Variants in NCKAP1 observed in about 807,000 individuals in gnomAD.
NCKAP1 encodes the protein NCK associated protein 1, also known as nck-associated protein 1.
In NCKAP1, 21 loss-of-function variants were observed where a neutral mutation model predicts 151.2. The observed-to-expected ratio is 0.14, with a 90% CI of 0.10 to 0.20. The LOEUF (loss-of-function observed/expected upper bound fraction) is 0.20, where lower values mean the gene tolerates loss of function less well. Among genes scored for constraint, NCKAP1 ranks in the 10% least tolerant of loss-of-function variants. The probability of loss-of-function intolerance (pLI) is 1.00; values close to 1 mark genes in which losing one functional copy is unlikely to be tolerated. For missense variants in NCKAP1, 933 were observed against 1,352.1 expected (o/e 0.69, Z 4.86); for synonymous variants, 484 against 451.8 (o/e 1.07, Z -0.90).
At position 182,909,126 on chromosome 2, in the gene NCKAP1, A is replaced by T. The variant is rs1415070717; in HGVS notation, c.*16576T>A. ...CATAACACATTTAGGCTATTTCAAG[A>T]TAATGGTTTATTTTGACACCACCAA... On this transcript the variant is annotated 3_prime_UTR_variant, in exon 31 of 31. Transcript: ENST00000361354. 6.6e-6 allele frequency: 1 copy of T among 152,240 alleles called. No homozygotes were observed. Among genetic ancestry groups the T allele is most frequent in the Non-Finnish European group, 1.5e-5 (1 of 68,040 alleles). 9.4% of individuals were successfully genotyped at this position (152,240 alleles called of 1,614,324 possible). A position where few individuals can be genotyped will look rare whatever the true frequency, so the allele number is the denominator to read the frequency against.
At chr2:182,999,226 A>G (rs1698332115) in intron 6 of NCKAP1, among the ~76,000 whole-genome samples, 1 of 152,188 alleles carries the variant, frequency 6.6e-6, no homozygotes, top group Admixed American at 6.5e-5. Context: ...AGAATGGGAG[A>G]AAATAATTGC....
rs979824642 is a variant in NCKAP1 at position 182,928,963 on chromosome 2, TCTAAA to T, written c.2954-69_2954-65del. On this transcript the variant is annotated intron_variant, in intron 27 of 30. Transcript: ENST00000361354. ...TTCAAGATTAGTTAAGATTTGATAATCTAAACTAAACAGATTTTTATTTTAAAAAT... is the reference window on the plus strand; with the variant it reads ...TTCAAGATTAGTTAAGATTTGATAATCTAAACAGATTTTTATTTTAAAAAT... 10 of 1,062,426 alleles carry T rather than the reference TCTAAA, an allele frequency of 9.4e-6. No homozygotes were observed. The African/African-American group carries it at 9.8e-5, about 10-fold the overall frequency. The allele number at this position is 1,062,426 out of a possible 1,614,324, so 65.8% of individuals were successfully genotyped here. A position where few individuals can be genotyped will look rare whatever the true frequency, so the allele number is the denominator to read the frequency against.
chr2:182,929,533 T>C (rs1424694596), intron 27 of NCKAP1, among the ~76,000 whole-genome samples: 1 of 151,942 alleles, frequency 6.6e-6, no homozygotes, highest in African/African-American at 2.4e-5. Context: ...GACATAACCC[T>C]TTCTAAAACA....
At chr2:183,020,507 C>A (rs1296435269) in intron 2 of NCKAP1, among the ~76,000 whole-genome samples, 1 of 149,504 alleles carries the variant, frequency 6.7e-6, no homozygotes, top group African/African-American at 2.5e-5. Flanking sequence ...AAATTTATTG[C>A]ATTTTCACCA....
Position 182,911,362 on chromosome 2 carries a change from A to G in NCKAP1, c.*14340T>C, listed in dbSNP as rs914553617. ...ATGCTAACACCACTAAGCCTTACAT[A>G]GTGGGGAATTCAAACACATGGGAAG... On this transcript the variant is annotated 3_prime_UTR_variant, in exon 31 of 31. Coordinates refer to ENST00000361354, the MANE Select transcript of NCKAP1 (RefSeq NM_013436.5). 6.6e-6 allele frequency: 1 copy of G among 152,166 alleles called. No homozygotes were observed. The highest frequency in any genetic ancestry group is 1.9e-4 in the East Asian group (1 of 5,182). The allele number at this position is 152,166 out of a possible 1,614,324, so 9.4% of individuals were successfully genotyped here.
intron 15 of NCKAP1, among the ~76,000 whole-genome samples, chr2:182,969,926 A>T (rs1697651948): frequency 6.6e-6 from 1 of 152,002 alleles, no homozygotes; most frequent in African/African-American, 2.4e-5. Flanking sequence ...CCCCAAAAAA[A>T]TCAGAAATAG....
At chr2:183,018,959 T>A (rs72888467) in intron 2 of NCKAP1, among the ~76,000 whole-genome samples, 13,513 of 152,268 alleles carry the variant, frequency 0.089, 731 homozygotes, top group Non-Finnish European at 0.12. Context: ...CAATAAAAAA[T>A]TATGTTTTAC....
Position 182,994,907 on chromosome 2 carries a change from C to T in NCKAP1, c.742-20G>A, listed in dbSNP as rs759581618. ...AGGCATCTTAAAAAGAGAATATATA[C>T]ATTTGCAGTTAAAAGAAATTCTAAA... is the stretch of plus-strand genomic sequence containing the variant. On this transcript the variant is annotated intron_variant, in intron 7 of 30. Coordinates refer to ENST00000361354, the MANE Select transcript of NCKAP1 (RefSeq NM_013436.5). 1 of 1,575,832 alleles carries T rather than the reference C, an allele frequency of 6.3e-7. No homozygotes were observed. Among genetic ancestry groups the T allele is most frequent in the Non-Finnish European group, 8.7e-7 (1 of 1,148,534 alleles).
chr2:182,927,445 G>C (rs1272578983), intron 29 of NCKAP1, among the ~76,000 whole-genome samples: 1 of 151,992 alleles, frequency 6.6e-6, no homozygotes, highest in Non-Finnish European at 1.5e-5. Flanking sequence ...TTTTAAAAAA[G>C]CTGACAGGAT....
chr2:183,037,392 C>T (rs1699123636), intron 1 of NCKAP1, among the ~76,000 whole-genome samples: 1 of 152,180 alleles, frequency 6.6e-6, no homozygotes, highest in African/African-American at 2.4e-5. Flanking sequence ...CTCACTTCCC[C>T]CTCCTCTCCA....
At position 182,994,856 on chromosome 2, in the gene NCKAP1, A is replaced by G; in HGVS notation, c.773T>C (p.Met258Thr). 1 of 1,606,618 alleles carries G rather than the reference A, an allele frequency of 6.2e-7. No individual in the cohort carries two copies. Among genetic ancestry groups the G allele is most frequent in the Non-Finnish European group, 8.5e-7 (1 of 1,173,294 alleles). The change falls in exon 8 of 31, where the codon ATG becomes ACG. Residue 258 changes from methionine to threonine, a missense_variant. This residue lies in a region of NCKAP1 where 607 missense variants were observed against 795.0 expected (regional missense o/e 0.76). Transcript: ENST00000361354. ...TTACTTACAGATAATCCACTTTTCC[A>G]TTGCATCCAAAGAGAGGTATTCACA... ...MPCEYLSLDA[M>T]EKWIIFGFIL...
At chr2:182,982,948 G>T in intron 11 of NCKAP1, 21 bp from the exon 12 acceptor site, 1 of 1,530,422 alleles carries the variant, frequency 6.5e-7, no homozygotes, top group Non-Finnish European at 8.9e-7. Flanking sequence ...AAAAGTAAGT[G>T]TTTATTCTTA....
chr2:183,001,609 A>G (rs1258685142), intron 6 of NCKAP1, among the ~76,000 whole-genome samples: 5 of 152,194 alleles, frequency 3.3e-5, no homozygotes, highest in Non-Finnish European at 5.9e-5. Flanking sequence ...AGGTTAGTTA[A>G]GTAACTCGAC....
chr2:182,975,191 T>C lies in NCKAP1; in HGVS notation c.1482+1702A>G, dbSNP rs139109768. ...CAAGTTCTACTTTTGTATTGTTTCATTGCCTTTTTAAAAACAAAGAGGTGT... is the reference window on the plus strand; with the variant it reads ...CAAGTTCTACTTTTGTATTGTTTCACTGCCTTTTTAAAAACAAAGAGGTGT... On this transcript the variant is annotated intron_variant, in intron 15 of 30. Transcript: ENST00000361354. Among the ~76,000 whole-genome samples, 9 of 152,334 alleles carry C rather than the reference T, an allele frequency of 5.9e-5. No individual in the cohort carries two copies. The East Asian group carries it at 9.6e-4, about 16-fold the overall frequency.
At chr2:182,959,203 C>T (rs1445400323) in intron 18 of NCKAP1, among the ~76,000 whole-genome samples, 1 of 152,130 alleles carries the variant, frequency 6.6e-6, no homozygotes, top group East Asian at 1.9e-4. Flanking sequence ...CATTGCATTT[C>T]TATTGTGACA....
chr2:183,026,793 T>C (rs772374308), intron 1 of NCKAP1, among the ~76,000 whole-genome samples: 1 of 152,088 alleles, frequency 6.6e-6, no homozygotes, highest in Non-Finnish European at 1.5e-5. Context: ...AGAAGAGAGA[T>C]AAAGAAACCA....
chr2:182,982,806 A>G lies in NCKAP1; in HGVS notation c.1208+15T>C, dbSNP rs1697967192. On this transcript the variant is annotated intron_variant, in intron 12 of 30. Transcript: ENST00000361354. The stretch of plus-strand genomic sequence containing the variant: ...CTATATACAGAAAATATTTTTTTAA[A>G]TGTTGCTAACTTACTTATCTATAAA... 6.5e-7 allele frequency: 1 copy of G among 1,528,736 alleles called. No individual in the cohort carries two copies. The highest frequency in any genetic ancestry group is 1.4e-5 in the African/African-American group (1 of 71,788). The allele number at this position is 1,528,736 out of a possible 1,614,324, so 94.7% of individuals were successfully genotyped here.
At chr2:183,031,863 G>A (rs1255185404) in intron 1 of NCKAP1, among the ~76,000 whole-genome samples, 1 of 152,204 alleles carries the variant, frequency 6.6e-6, no homozygotes, top group East Asian at 1.9e-4. Flanking sequence ...CATAACAGAA[G>A]CTGAGAGCAA....
intron 15 of NCKAP1, among the ~76,000 whole-genome samples, chr2:182,969,089 A>G (rs113669181): frequency 6.6e-6 from 1 of 152,236 alleles, no homozygotes; most frequent in South Asian, 2.1e-4. Flanking sequence ...AATTAGCTAT[A>G]GCTGTGGCCA....
Sources: allele counts gnomAD v4.1 joint callset (sites outside exome capture counted in the v4.1 genomes callset), GRCh38; gene constraint gnomAD v4.1.1; regional missense constraint gnomAD v4.1.1; transcripts MANE v1.5; gene names NCBI Gene and HGNC (gene_info 2026-07-23, HGNC 2026-07-21).